MRPL39: variants seen among roughly 807,000 people sequenced by gnomAD.
MRPL39 encodes the protein large ribosomal subunit protein mL39.
A neutral mutation model predicts 44.5 loss-of-function variants in MRPL39; 35 were observed. The observed-to-expected ratio is 0.79, with a 90% CI of 0.60 to 1.04. MRPL39 has a LOEUF of 1.04. MRPL39 is among the 50% of genes least tolerant of loss of function. The pLI is 0.00. For synonymous variants in MRPL39, 139 were observed against 136.1 expected, an observed-to-expected ratio of 1.02 and a Z score of -0.15; for missense variants, 433 against 413.5, an observed-to-expected ratio of 1.05 and a Z score of -0.41.
At position 25,587,614 on chromosome 21, in the gene MRPL39, A is replaced by G. The variant is rs950193433; in HGVS notation, c.969+1221T>C. On this transcript the variant is annotated intron_variant, in intron 9 of 9. Coordinates refer to ENST00000352957, the MANE Select transcript of MRPL39 (RefSeq NM_017446.4). ...GGCTTAACAGACAGAAAATAAATGTACTGGCAAAGAAAACAATCAAAAAAT... is the reference window on the plus strand; with the variant it reads ...GGCTTAACAGACAGAAAATAAATGTGCTGGCAAAGAAAACAATCAAAAAAT... 25 of 1,079,414 alleles carry G rather than the reference A, an allele frequency of 2.3e-5. No homozygotes were observed. In the African/African-American group the frequency reaches 4.0e-4, roughly 17 times the overall value. The allele number at this position is 1,079,414 out of a possible 1,614,324, so 66.9% of individuals were successfully genotyped here.
intron 9 of MRPL39, among the ~76,000 whole-genome samples, 153 bp from the exon 10 acceptor site, chr21:25,585,907 A>G (rs2030984569): frequency 6.6e-6 from 1 of 152,212 alleles, no homozygotes; most frequent in African/African-American, 2.4e-5. Context: ...AGAAAGATTT[A>G]AAGGCCAAGT....
At chr21:25,595,823 C>T (rs977954406) in intron 6 of MRPL39, among the ~76,000 whole-genome samples, 2 of 152,048 alleles carry the variant, frequency 1.3e-5, no homozygotes, top group Non-Finnish European at 2.9e-5. Flanking sequence ...TATTATATTT[C>T]TTTTGGGCAG....
intron 4 of MRPL39, among the ~76,000 whole-genome samples, chr21:25,601,107 CA>C (rs940128107): frequency 6.6e-6 from 1 of 152,026 alleles, no homozygotes; most frequent in Non-Finnish European, 1.5e-5. Flanking sequence ...AACTCCGTCT[CA>C]AATAAATAAA....
At chr21:25,593,358 G>A (rs2031243172) in intron 7 of MRPL39, among the ~76,000 whole-genome samples, 1 of 152,170 alleles carries the variant, frequency 6.6e-6, no homozygotes. Flanking sequence ...GAGGAAAAAA[G>A]TGAAGTCCAA....
At chr21:25,588,333 A>T (rs188617996) in intron 9 of MRPL39, among the ~76,000 whole-genome samples, 1 of 152,136 alleles carries the variant, frequency 6.6e-6, no homozygotes, top group African/African-American at 2.4e-5. Flanking sequence ...GAAAAGAAAT[A>T]CTATCATTCC....
intron 8 of MRPL39, among the ~76,000 whole-genome samples, chr21:25,589,984 A>G (rs2031120781): frequency 6.6e-6 from 1 of 152,208 alleles, no homozygotes; most frequent in African/African-American, 2.4e-5. Flanking sequence ...GATTTGTTCA[A>G]GGGAAGCCAT....
At chr21:25,603,735 G>C in intron 3 of MRPL39, 61 bp downstream of exon 3, 2 of 1,491,944 alleles carry the variant, frequency 1.3e-6, no homozygotes, top group South Asian at 2.5e-5. Flanking sequence ...ATAGAAAACA[G>C]GTCTTAATAA....
At chr21:25,590,353 T>C (rs548285540) in intron 8 of MRPL39, among the ~76,000 whole-genome samples, 1 of 149,198 alleles carries the variant, frequency 6.7e-6, no homozygotes, top group East Asian at 2.0e-4. Context: ...ACACATAAAA[T>C]ATACTAACGC....
At position 25,588,795 on chromosome 21, in the gene MRPL39, C is replaced by CCT. The variant is rs752821110; in HGVS notation, c.969+39_969+40insAG. 82 of 1,545,142 alleles carry CCT rather than the reference C, an allele frequency of 5.3e-5. No homozygotes were observed. The African/African-American group carries it at 9.9e-4, about 19-fold the overall frequency. On this transcript the variant is annotated intron_variant, in intron 9 of 9. Coordinates refer to ENST00000352957, the MANE Select transcript of MRPL39 (RefSeq NM_017446.4). ...GTTATTGGTTAATTTTGATGAATTT[C>CCT]TTTATAGAAGAGTACTCAATAGCTG...
chr21:25,586,433 A>C (rs1289343115), intron 9 of MRPL39, among the ~76,000 whole-genome samples: 1 of 152,026 alleles, frequency 6.6e-6, no homozygotes, highest in Non-Finnish European at 1.5e-5. Context: ...CCCTAACAGA[A>C]CTCTTGGCTT....
Position 25,597,317 on chromosome 21 carries a change from A to C in MRPL39, c.686T>G (p.Ile229Arg). 1 of 1,588,794 alleles carries C rather than the reference A, an allele frequency of 6.3e-7. No individual in the cohort carries two copies. The highest frequency in any genetic ancestry group is 2.2e-5 in the East Asian group (1 of 44,646). ...CAACACTTACTTGCTGTGTTGAAAT[A>C]TTTCCAATGCCACTTTTGCTTCAAC... ...LEVEAKVALE[I>R]FQHSKYKVDF... Residue 229 changes from isoleucine (I) to arginine (R), a missense_variant, in exon 6 of 10, where the codon ATA (isoleucine) becomes AGA (arginine). Transcript: ENST00000352957.
intron 8 of MRPL39, 134 bp from the exon 9 acceptor site, chr21:25,589,016 A>T (rs1356108689): frequency 2.7e-6 from 2 of 734,298 alleles, no homozygotes; most frequent in Non-Finnish European, 2.1e-6. Flanking sequence ...GTGGTTATAA[A>T]AGTGGATCAT....
At chr21:25,596,192 G>A (rs1050336621) in intron 6 of MRPL39, among the ~76,000 whole-genome samples, 4 of 151,572 alleles carry the variant, frequency 2.6e-5, no homozygotes, top group African/African-American at 7.3e-5. Context: ...TCCGCCTCCC[G>A]GGTTCACGCC....
At position 25,592,918 on chromosome 21, in the gene MRPL39, G is replaced by C; in HGVS notation, c.815C>G (p.Thr272Arg). ...DVSEGPLIPR[T>R]SICFQYEVSA... ...TACTTCATACTGGAAACAAATACTT[G>C]TTCTTGGAATAAGAGGGCCCTCACT... The change falls in exon 8 of 10, where the codon ACA (threonine) becomes AGA (arginine). Residue 272 changes from threonine (T) to arginine (R), a missense_variant. Transcript: ENST00000352957. The C allele has an allele frequency of 6.2e-7, 1 of 1,613,172 alleles. No individual in the cohort carries two copies. Among genetic ancestry groups the C allele is most frequent in the Non-Finnish European group, 8.5e-7 (1 of 1,179,280 alleles).
intron 9 of MRPL39, chr21:25,587,787 A>G: frequency 6.2e-7 from 1 of 1,609,214 alleles, no homozygotes; most frequent in Non-Finnish European, 8.5e-7. Context: ...TGGGAAATGG[A>G]GTCTAGAAAG....
intron 5 of MRPL39, among the ~76,000 whole-genome samples, chr21:25,598,640 C>G (rs560318784): frequency 6.6e-6 from 1 of 152,116 alleles, no homozygotes; most frequent in South Asian, 2.1e-4. Context: ...CTTCCCTCCC[C>G]TCTTTCCATC....
rs372547842 is a variant in MRPL39, at chr21:25,588,899, T to C, written c.922-17A>G. 8 of 1,607,998 alleles carry C rather than the reference T, an allele frequency of 5.0e-6. No individual in the cohort carries two copies. The African/African-American group carries it at 9.4e-5, about 19-fold the overall frequency. On this transcript the variant is annotated splice_polypyrimidine_tract_variant and intron_variant, in intron 8 of 9. Transcript: ENST00000352957. ...AAAATGTGCCTTGAAAAGAAAAGAT[T>C]TGCGATGAACTAAATGAAGCAGTAA...
intron 9 of MRPL39, among the ~76,000 whole-genome samples, chr21:25,585,966 T>C (rs2030985955): frequency 6.6e-6 from 1 of 152,172 alleles, no homozygotes. Flanking sequence ...TTCAAAAATA[T>C]AATCTAAGGC....
intron 6 of MRPL39, among the ~76,000 whole-genome samples, chr21:25,595,061 C>T (rs765469870): frequency 3.3e-5 from 5 of 152,208 alleles, no homozygotes; most frequent in African/African-American, 1.2e-4. Flanking sequence ...GCTAAAGGCA[C>T]AGATGAAACT....
Sources: allele counts gnomAD v4.1 joint callset (sites outside exome capture counted in the v4.1 genomes callset), GRCh38; gene constraint gnomAD v4.1.1; transcripts MANE v1.5; gene names NCBI Gene and HGNC (gene_info 2026-07-23, HGNC 2026-07-21).